ABHD3: variants seen among roughly 807,000 people sequenced by gnomAD.
ABHD3 encodes the protein phospholipase ABHD3.
Under a neutral mutation model 48.8 loss-of-function variants are expected in ABHD3, and 46 were observed. The ratio of observed to expected loss-of-function variants is 0.94; its 90% confidence interval spans 0.74 to 1.20. The LOEUF (loss-of-function observed/expected upper bound fraction) is 1.20, where lower values mean the gene tolerates loss of function less well. Ranked by LOEUF, ABHD3 falls within the 50% of genes most tolerant of loss-of-function variation. The pLI is 0.00. For missense variants in ABHD3, 490 were observed against 497.8 expected, an observed-to-expected ratio of 0.98 and a Z score of 0.15; for synonymous variants, 192 against 183.7, an observed-to-expected ratio of 1.04 and a Z score of -0.36.
rs1314890456 is a variant in ABHD3, at chr18:21,679,341, CAA to C, written c.555+4577_555+4578del. 2.6e-5 allele frequency among the ~76,000 whole-genome samples: 4 copies of C among 151,630 alleles called. No individual in the cohort carries two copies. In the East Asian group the frequency reaches 5.8e-4, roughly 22 times the overall value. ...TAGCATCTCATTTTTTGATCCAACT[CAA>C]AAAAGAGTAATAAGGATGTAGAATA... On this transcript the variant is annotated intron_variant, in intron 4 of 8. Coordinates refer to ENST00000289119, the MANE Select transcript of ABHD3 (RefSeq NM_138340.5).
chr18:21,683,461 T>C (rs1354632749), intron 4 of ABHD3: 2 of 435,514 alleles, frequency 4.6e-6, no homozygotes, highest in Admixed American at 5.2e-5. Context: ...AAAAAATCAC[T>C]GTATTAGTTA....
At chr18:21,673,635 T>C (rs2039808012) in intron 4 of ABHD3, 1 of 152,184 alleles carries the variant, frequency 6.6e-6, no homozygotes, top group Admixed American at 6.6e-5. Context: ...TGAGACAGCA[T>C]CTTGCTCTGT....
chr18:21,681,421 C>T (rs114915285), intron 4 of ABHD3, among the ~76,000 whole-genome samples: 98 of 152,218 alleles, frequency 6.4e-4, no homozygotes, highest in African/African-American at 2.0e-3. Context: ...GAATACTACT[C>T]ATTTTTGTTC....
intron 3 of ABHD3, among the ~76,000 whole-genome samples, chr18:21,698,550 C>CT (rs58069501): frequency 3.3e-5 from 5 of 151,580 alleles, no homozygotes; most frequent in Non-Finnish European, 7.4e-5. Flanking sequence ...TAAACATTTT[C>CT]TTTTTTTTCT....
intron 3 of ABHD3, among the ~76,000 whole-genome samples, chr18:21,687,207 G>T (rs1028206299): frequency 2.6e-5 from 4 of 151,770 alleles, no homozygotes; most frequent in Non-Finnish European, 4.4e-5. Context: ...ACTGTGCCCA[G>T]CCTGTTTTTA....
chr18:21,701,547 CAA>C (rs1339066470), intron 3 of ABHD3: 1 of 152,022 alleles, frequency 6.6e-6, no homozygotes, highest in African/African-American at 2.4e-5. Context: ...GCTTTTCACA[CAA>C]GTGTTTCAAG....
intron 4 of ABHD3, among the ~76,000 whole-genome samples, chr18:21,677,894 A>G (rs925507547): frequency 7.2e-5 from 11 of 151,832 alleles, no homozygotes; most frequent in African/African-American, 2.7e-4. Flanking sequence ...CATGTTAGCC[A>G]GCATGTGATT....
chr18:21,704,237 C>T (rs2040583750), intron 1 of ABHD3, among the ~76,000 whole-genome samples: 1 of 152,238 alleles, frequency 6.6e-6, no homozygotes. Context: ...CCGCCGGCTT[C>T]GCGATCGGTG....
chr18:21,685,695 A>G (rs2040115049), intron 3 of ABHD3, among the ~76,000 whole-genome samples: 1 of 151,888 alleles, frequency 6.6e-6, no homozygotes, highest in South Asian at 2.1e-4. Context: ...CGGCTCAGCT[A>G]ATTTTTATTC....
At chr18:21,658,685 T>C (rs1173690683) in intron 6 of ABHD3, among the ~76,000 whole-genome samples, 1 of 152,212 alleles carries the variant, frequency 6.6e-6, no homozygotes, top group Non-Finnish European at 1.5e-5. Context: ...TTTTAACTTA[T>C]ACTTACATTT....
At chr18:21,680,856 G>GTATA (rs145965623) in intron 4 of ABHD3, among the ~76,000 whole-genome samples, 3 of 147,630 alleles carry the variant, frequency 2.0e-5, no homozygotes, top group African/African-American at 7.6e-5. Context: ...TTTCAAATGT[G>GTATA]TGTGTGTGTG....
At chr18:21,692,938 T>C (rs893534056) in intron 3 of ABHD3, among the ~76,000 whole-genome samples, 5 of 152,234 alleles carry the variant, frequency 3.3e-5, no homozygotes, top group Non-Finnish European at 5.9e-5. Context: ...TGCTGGAAAC[T>C]ATATTACCCA....
intron 5 of ABHD3, chr18:21,663,861 A>G: frequency 1.3e-6 from 2 of 1,493,686 alleles, no homozygotes; most frequent in Non-Finnish European, 8.9e-7. Context: ...AATCGACTTC[A>G]TGGGCTTCAG....
chr18:21,654,031 T>C (rs562497782), intron 8 of ABHD3, among the ~76,000 whole-genome samples: 248 of 151,722 alleles, frequency 1.6e-3, no homozygotes, highest in Middle Eastern at 0.01. Context: ...TTTTTTTTTT[T>C]AGTAGAGATG....
chr18:21,685,110 T>C (rs1340282321), intron 3 of ABHD3, among the ~76,000 whole-genome samples: 1 of 152,232 alleles, frequency 6.6e-6, no homozygotes, highest in Non-Finnish European at 1.5e-5. Flanking sequence ...TTAGACAAAA[T>C]CTTGATTTGT....
At chr18:21,656,429 T>C (rs1598508000) in intron 8 of ABHD3, among the ~76,000 whole-genome samples, 1 of 152,176 alleles carries the variant, frequency 6.6e-6, no homozygotes, top group Admixed American at 6.5e-5. Context: ...GCTTCACTAA[T>C]TGAGATATTC....
At chr18:21,655,060 G>A (rs2039312034) in intron 8 of ABHD3, 1 of 152,072 alleles carries the variant, frequency 6.6e-6, no homozygotes, top group African/African-American at 2.4e-5. Flanking sequence ...GGTCAAGGCT[G>A]TAAGTTTCAG....
intron 2 of ABHD3, 43 bp downstream of exon 2, chr18:21,703,541 C>A (rs2040562777): frequency 5.1e-6 from 8 of 1,583,618 alleles, no homozygotes; most frequent in Non-Finnish European, 6.9e-6. Context: ...AAACAAACAA[C>A]CTGTGATTTT....
At chr18:21,691,432 TAC>T (rs1439000233) in intron 3 of ABHD3, among the ~76,000 whole-genome samples, 2 of 152,150 alleles carry the variant, frequency 1.3e-5, no homozygotes, top group African/African-American at 4.8e-5. Context: ...AACAAGAGAA[TAC>T]ACATTCTTTT....
Sources: allele counts gnomAD v4.1 joint callset (sites outside exome capture counted in the v4.1 genomes callset), GRCh38; gene constraint gnomAD v4.1.1; transcripts MANE v1.5; gene names NCBI Gene and HGNC (gene_info 2026-07-23, HGNC 2026-07-21).